The following NEGR1 variants were observed in gnomAD, a reference collection of about 807,000 sequenced individuals.
The protein encoded by NEGR1 is neuronal growth regulator 1.
A neutral mutation model predicts 40.9 loss-of-function variants in NEGR1; 10 were observed. The ratio of observed to expected loss-of-function variants is 0.24; its 90% CI spans 0.15 to 0.42. The LOEUF (loss-of-function observed/expected upper bound fraction) is 0.42. Ranked by LOEUF, NEGR1 falls within the 10% of genes least tolerant of loss-of-function variation. The probability of loss-of-function intolerance (pLI) is 1.00; values close to 1 mark genes in which losing one functional copy is unlikely to be tolerated. For synonymous variants in NEGR1, 185 were observed against 166.8 expected, an observed-to-expected ratio of 1.11 and a Z score of -0.84; for missense variants, 352 against 438.9, an observed-to-expected ratio of 0.80 and a Z score of 1.77.
At chr1:71,888,688 G>C (rs1206021322) in intron 2 of NEGR1, among the ~76,000 whole-genome samples, 1 of 105,942 alleles carries the variant, frequency 9.4e-6, no homozygotes, top group Non-Finnish European at 1.9e-5. Flanking sequence ...AAAGCAGCCG[G>C]GAAGCTCGAA....
intron 1 of NEGR1, among the ~76,000 whole-genome samples, chr1:72,029,068 C>T (rs1646836082): frequency 6.6e-6 from 1 of 152,028 alleles, no homozygotes; most frequent in African/African-American, 2.4e-5. Flanking sequence ...ACCAGATCAA[C>T]CAATTATTTA....
chr1:71,601,190 A>G (rs779531751), intron 5 of NEGR1, among the ~76,000 whole-genome samples: 13 of 152,238 alleles, frequency 8.5e-5, no homozygotes, highest in Non-Finnish European at 1.6e-4. Flanking sequence ...GTGAAGACAT[A>G]CAAGCTGCCA....
At chr1:71,939,187 G>A (rs1260783719) in intron 1 of NEGR1, among the ~76,000 whole-genome samples, 2 of 152,142 alleles carry the variant, frequency 1.3e-5, no homozygotes, top group East Asian at 3.9e-4. Flanking sequence ...TTCCCCTAAA[G>A]TTCTACATAA....
intron 6 of NEGR1, among the ~76,000 whole-genome samples, chr1:71,565,025 C>T (rs143452125): frequency 9.7e-4 from 147 of 152,196 alleles, no homozygotes; most frequent in African/African-American, 3.3e-3. Flanking sequence ...ACAAATTTTG[C>T]ATGATATTTT....
Position 72,091,871 on chromosome 1 carries a change from C to G in NEGR1, c.177-156560G>C, listed in dbSNP as rs75232797. 7.2e-5 allele frequency among the ~76,000 whole-genome samples: 11 copies of G among 152,238 alleles called. No individual in the cohort carries two copies. In the East Asian group the frequency reaches 2.1e-3, roughly 29 times the overall value. ...GTCTCTTCTCTTGGCTTATAAGAAG[C>G]TGCCATCTCACTGTGCCCTCACATA... On this transcript the variant is annotated intron_variant, in intron 1 of 6. Coordinates refer to ENST00000357731, the MANE Select transcript of NEGR1 (RefSeq NM_173808.3).
At chr1:72,196,661 A>T (rs61765618) in intron 1 of NEGR1, among the ~76,000 whole-genome samples, 52,934 of 127,708 alleles carry the variant, frequency 0.41, 10,231 homozygotes, top group African/African-American at 0.56. Flanking sequence ...TCCCAGTTAC[A>T]AGTGATCAAG....
chr1:71,430,915 G>A (rs556920009), intron 6 of NEGR1, among the ~76,000 whole-genome samples: 5 of 151,734 alleles, frequency 3.3e-5, no homozygotes, highest in South Asian at 2.1e-4. Context: ...GCCCACCACC[G>A]GGCCCGACTA....
chr1:71,869,360 G>T (rs1660211683), intron 2 of NEGR1, among the ~76,000 whole-genome samples: 1 of 151,996 alleles, frequency 6.6e-6, no homozygotes, highest in African/African-American at 2.4e-5. Flanking sequence ...ATACTATGAT[G>T]AAAAAATAAA....
chr1:72,135,266 C>G (rs1650408942), intron 1 of NEGR1, among the ~76,000 whole-genome samples: 1 of 149,474 alleles, frequency 6.7e-6, no homozygotes, highest in South Asian at 2.1e-4. Flanking sequence ...GTCCCAGCTA[C>G]TCGGGAGGCT....
intron 6 of NEGR1, among the ~76,000 whole-genome samples, chr1:71,436,587 A>G (rs7516999): frequency 0.71 from 107,666 of 152,072 alleles, 38,720 homozygotes; most frequent in Non-Finnish European, 0.76. Context: ...AAGCAGAAAA[A>G]TCAGGCAGAA....
At chr1:72,110,183 G>C (rs1421663976) in intron 1 of NEGR1, among the ~76,000 whole-genome samples, 1 of 134,884 alleles carries the variant, frequency 7.4e-6, no homozygotes, top group Non-Finnish European at 1.5e-5. Context: ...TAACTAACTT[G>C]CACAATGTGC....
chr1:72,133,530 T>G (rs960658193), intron 1 of NEGR1, among the ~76,000 whole-genome samples: 26 of 152,146 alleles, frequency 1.7e-4, no homozygotes, highest in Non-Finnish European at 2.5e-4. Context: ...ATTGCTCAAA[T>G]GTACTATATA....
intron 1 of NEGR1, among the ~76,000 whole-genome samples, chr1:72,160,955 T>C (rs1651533755): frequency 6.6e-6 from 1 of 152,228 alleles, no homozygotes; most frequent in Non-Finnish European, 1.5e-5. Context: ...TATCCATGTT[T>C]CCTGGCTGAT....
At chr1:71,775,530 G>C (rs935340646) in intron 3 of NEGR1, among the ~76,000 whole-genome samples, 1 of 151,784 alleles carries the variant, frequency 6.6e-6, no homozygotes, top group Non-Finnish European at 1.5e-5. Flanking sequence ...ATTTTTACTG[G>C]AGATGGGGTT....
chr1:72,169,584 T>C (rs1433375061), intron 1 of NEGR1, among the ~76,000 whole-genome samples: 1 of 152,192 alleles, frequency 6.6e-6, no homozygotes, highest in Non-Finnish European at 1.5e-5. Flanking sequence ...TTCTGAACTT[T>C]TACAAGATTC....
At chr1:71,415,668 G>T (rs548161743) in intron 6 of NEGR1, among the ~76,000 whole-genome samples, 49 of 152,152 alleles carry the variant, frequency 3.2e-4, no homozygotes, top group Admixed American at 2.8e-3. Context: ...CTGAAATAAA[G>T]AAGTCTCAAA....
At position 72,149,304 on chromosome 1, in the gene NEGR1, T is replaced by G. The variant is rs150213245; in HGVS notation, c.176+133015A>C. On this transcript the variant is annotated intron_variant, in intron 1 of 6. Coordinates refer to ENST00000357731, the MANE Select transcript of NEGR1 (RefSeq NM_173808.3). ...TCCCCATGATTCAACTACCTCCCCC[T>G]GGGTCCCTCCCACTACATGTGGGAA... 4.9e-3 allele frequency among the ~76,000 whole-genome samples: 743 copies of G among 152,198 alleles called. 5 individuals are homozygous for G. The highest frequency in any genetic ancestry group is 0.017 in the African/African-American group (715 of 41,560).
At chr1:71,667,372 C>T (rs1889634) in intron 4 of NEGR1, among the ~76,000 whole-genome samples, 4,398 of 152,204 alleles carry the variant, frequency 0.029, 173 homozygotes, top group African/African-American at 0.09. Flanking sequence ...AAACCAAGGT[C>T]TGTGAAATAC....
At chr1:72,046,642 A>T (rs1647004881) in intron 1 of NEGR1, among the ~76,000 whole-genome samples, 1 of 151,642 alleles carries the variant, frequency 6.6e-6, no homozygotes, top group Non-Finnish European at 1.5e-5. Context: ...AGACAAACAA[A>T]TCTAAGGACA....
Sources: gnomAD v4.1 joint callset for allele counts (sites outside exome capture counted in the v4.1 genomes callset) on GRCh38, gnomAD v4.1.1 for gene constraint, MANE v1.5 for transcripts, NCBI Gene and HGNC (gene_info 2026-07-23, HGNC 2026-07-21) for gene names.